PABPC4L: variants seen among roughly 807,000 people sequenced by gnomAD.
PABPC4L encodes poly(A) binding protein cytoplasmic 4 like.
For synonymous variants in PABPC4L, 169 were observed against 164.1 expected (o/e 1.03, Z -0.23); for missense variants, 452 against 451.4 (o/e 1.00, Z -0.01).
the PABPC4L span, among the ~76,000 whole-genome samples, chr4:134,119,879 T>C: frequency 1.3e-3 from 200 of 151,892 alleles, 5 homozygotes; most frequent in South Asian, 0.039. Flanking sequence ...TTGGGAGATA[T>C]GCCCATCTAG....
chr4:134,094,354 T>C, the PABPC4L span, among the ~76,000 whole-genome samples: 64 of 152,052 alleles, frequency 4.2e-4, no homozygotes, highest in African/African-American at 1.3e-3. Flanking sequence ...ACTCCTAAAG[T>C]ATAAAACAAG....
At chr4:134,078,333 T>C in the PABPC4L span, among the ~76,000 whole-genome samples, 1 of 152,186 alleles carries the variant, frequency 6.6e-6, no homozygotes, top group Admixed American at 6.5e-5. Context: ...GCTGCTTTCT[T>C]TTCTGGTTAA....
the PABPC4L span, among the ~76,000 whole-genome samples, chr4:134,094,965 T>G: frequency 6.6e-6 from 1 of 151,820 alleles, no homozygotes; most frequent in Non-Finnish European, 1.5e-5. Context: ...TTTAGAAAAT[T>G]TTATATGAAA....
rs1729784769 is a variant in PABPC4L at position 134,199,772 on chromosome 4, C to T, written c.*135G>A. 2.5e-6 allele frequency: 3 copies of T among 1,180,106 alleles called. No individual in the cohort carries two copies. Among genetic ancestry groups the T allele is most frequent in the Admixed American group, 3.3e-5 (1 of 30,330 alleles). The allele number at this position is 1,180,106 out of a possible 1,614,324, so 73.1% of individuals were successfully genotyped here. A position where few individuals can be genotyped will look rare whatever the true frequency, so the allele number is the denominator to read the frequency against. Reference sequence around the variant, plus strand: ...AAAAAAAATGGCTTTGTATAAAAAACGTTTTATCATAAAGTTTACTAAACT... The same window carrying T: ...AAAAAAAATGGCTTTGTATAAAAAATGTTTTATCATAAAGTTTACTAAACT... On this transcript the variant is annotated 3_prime_UTR_variant, in exon 2 of 2. Coordinates refer to ENST00000421491, the MANE Select transcript of PABPC4L (RefSeq NM_001114734.2).
chr4:134,027,929 G>A, the PABPC4L span, among the ~76,000 whole-genome samples: 16 of 152,152 alleles, frequency 1.1e-4, no homozygotes, highest in Middle Eastern at 6.8e-3. Flanking sequence ...GCCAACCCAC[G>A]GAGACATGAG....
chr4:133,968,921 A>T, the PABPC4L span, among the ~76,000 whole-genome samples: 1 of 152,172 alleles, frequency 6.6e-6, no homozygotes, highest in Non-Finnish European at 1.5e-5. Context: ...AGTAATCAGA[A>T]TGTTTTAGTT....
chr4:134,135,827 C>CT, the PABPC4L span, among the ~76,000 whole-genome samples: 2 of 152,012 alleles, frequency 1.3e-5, no homozygotes, highest in African/African-American at 4.8e-5. Context: ...GAGCAAAACT[C>CT]TGTCTCAAAA....
At chr4:133,980,305 CTTATTTT>C in the PABPC4L span, among the ~76,000 whole-genome samples, 1 of 152,224 alleles carries the variant, frequency 6.6e-6, no homozygotes, top group South Asian at 2.1e-4. Flanking sequence ...TTTTATTTCT[CTTATTTT>C]TTAACAGCAG....
the PABPC4L span, among the ~76,000 whole-genome samples, chr4:134,103,120 A>G: frequency 6.6e-6 from 1 of 151,596 alleles, no homozygotes; most frequent in African/African-American, 2.4e-5. Context: ...GTTCCACAGC[A>G]AGATTAAAAT....
At chr4:134,121,177 A>G in the PABPC4L span, among the ~76,000 whole-genome samples, 1 of 151,490 alleles carries the variant, frequency 6.6e-6, no homozygotes, top group East Asian at 1.9e-4. Flanking sequence ...TATAAATATT[A>G]TCTCATAAAA....
chr4:134,119,940 G>A, the PABPC4L span, among the ~76,000 whole-genome samples: 10 of 151,596 alleles, frequency 6.6e-5, no homozygotes, highest in Admixed American at 2.0e-4. Context: ...TGAGTGAATA[G>A]ATCACATTTT....
the PABPC4L span, among the ~76,000 whole-genome samples, chr4:133,959,980 T>A: frequency 6.6e-6 from 1 of 152,256 alleles, no homozygotes; most frequent in Non-Finnish European, 1.5e-5. Flanking sequence ...TCTGTTTATA[T>A]GTGTTTATCA....
At chr4:134,000,028 C>T in the PABPC4L span, among the ~76,000 whole-genome samples, 371 of 152,000 alleles carry the variant, frequency 2.4e-3, 3 homozygotes, top group African/African-American at 8.7e-3. Flanking sequence ...TAAAAGCACA[C>T]AGATCAATGA....
At chr4:133,967,197 C>T in the PABPC4L span, among the ~76,000 whole-genome samples, 1 of 152,002 alleles carries the variant, frequency 6.6e-6, no homozygotes. Context: ...GAGGGCCAGG[C>T]ACGGTGGCCC....
At chr4:134,069,397 A>G in the PABPC4L span, among the ~76,000 whole-genome samples, 2 of 152,306 alleles carry the variant, frequency 1.3e-5, no homozygotes, top group East Asian at 1.9e-4. Flanking sequence ...ATTTTCATGG[A>G]CAATATCCTG....
At chr4:134,091,264 G>A in the PABPC4L span, among the ~76,000 whole-genome samples, 2 of 150,864 alleles carry the variant, frequency 1.3e-5, no homozygotes, top group African/African-American at 4.9e-5. Context: ...AACTTTTATT[G>A]CCACTGTAAT....
the PABPC4L span, among the ~76,000 whole-genome samples, chr4:134,024,535 T>G: frequency 6.6e-6 from 1 of 152,054 alleles, no homozygotes; most frequent in Admixed American, 6.6e-5. Context: ...CTGGTATCTG[T>G]TTCTCTTCTT....
the PABPC4L span, among the ~76,000 whole-genome samples, chr4:134,038,129 GT>G: frequency 6.6e-6 from 1 of 152,120 alleles, no homozygotes; most frequent in Non-Finnish European, 1.5e-5. Flanking sequence ...TATGTTTATT[GT>G]TTTGAGTATG....
chr4:134,103,199 T>G, the PABPC4L span, among the ~76,000 whole-genome samples: 1 of 151,634 alleles, frequency 6.6e-6, no homozygotes, highest in Non-Finnish European at 1.5e-5. Flanking sequence ...AATCTCTTGG[T>G]ATGTTTATTA....
Sources: gnomAD v4.1 joint callset for allele counts (sites outside exome capture counted in the v4.1 genomes callset) on GRCh38, gnomAD v4.1.1 for gene constraint, MANE v1.5 for transcripts, NCBI Gene and HGNC (gene_info 2026-07-23, HGNC 2026-07-21) for gene names.